The following CEP112 variants were observed in gnomAD, a reference collection of about 807,000 sequenced individuals.
CEP112 encodes centrosomal protein 112.
A neutral mutation model predicts 153.0 loss-of-function variants in CEP112; 127 were observed. The ratio of observed to expected loss-of-function variants is 0.83; its 90% CI spans 0.72 to 0.96. The LOEUF (loss-of-function observed/expected upper bound fraction) is 0.96. Ranked by LOEUF, CEP112 falls within the 40% of genes least tolerant of loss-of-function variation. The pLI is 0.00. For missense variants in CEP112, 1,089 were observed against 1,101.2 expected, an observed-to-expected ratio of 0.99 and a Z score of 0.16; for synonymous variants, 358 against 374.4, an observed-to-expected ratio of 0.96 and a Z score of 0.51.
chr17:66,106,012 T>C (rs1010909779), intron 6 of CEP112, among the ~76,000 whole-genome samples: 1 of 151,924 alleles, frequency 6.6e-6, no homozygotes, highest in Non-Finnish European at 1.5e-5. Flanking sequence ...TTGAAAACTA[T>C]ACAAACACAT....
chr17:66,164,066 A>G (rs2071827588), intron 4 of CEP112, among the ~76,000 whole-genome samples: 1 of 152,200 alleles, frequency 6.6e-6, no homozygotes, highest in African/African-American at 2.4e-5. Flanking sequence ...CTTAGTAAAT[A>G]CCTAAGAGTG....
At chr17:65,929,476 T>C in intron 18 of CEP112, among the ~76,000 whole-genome samples, 1 of 152,208 alleles carries the variant, frequency 6.6e-6, no homozygotes, top group Admixed American at 6.5e-5. Context: ...AGCATCACCT[T>C]TGTACTGAGA....
At chr17:65,791,006 C>T (rs2145725065) in intron 21 of CEP112, among the ~76,000 whole-genome samples, 1 of 151,962 alleles carries the variant, frequency 6.6e-6, no homozygotes, top group South Asian at 2.1e-4. Flanking sequence ...CTATCTATAT[C>T]CCAATTACAC....
chr17:65,835,823 T>C (rs1253735923), intron 21 of CEP112, among the ~76,000 whole-genome samples: 4 of 152,190 alleles, frequency 2.6e-5, no homozygotes. Context: ...ACATTCAGAA[T>C]AGTCTAATAC....
chr17:66,144,146 T>C (rs1249630034), intron 4 of CEP112, among the ~76,000 whole-genome samples: 2 of 152,170 alleles, frequency 1.3e-5, no homozygotes, highest in Non-Finnish European at 1.5e-5. Flanking sequence ...CCTTGTAAAA[T>C]GCAGAGTTTG....
At chr17:66,065,750 C>T (rs1488397623) in intron 10 of CEP112, among the ~76,000 whole-genome samples, 1 of 151,890 alleles carries the variant, frequency 6.6e-6, no homozygotes, top group Admixed American at 6.6e-5. Context: ...CCGCCTCAGC[C>T]TCCTGAGTAG....
At chr17:65,818,580 A>G (rs1230756480) in intron 21 of CEP112, among the ~76,000 whole-genome samples, 2 of 151,828 alleles carry the variant, frequency 1.3e-5, no homozygotes, top group Non-Finnish European at 3.0e-5. Context: ...CAATTTTGTG[A>G]TAACTTTCTC....
chr17:66,085,717 G>A (rs377411872), intron 8 of CEP112, among the ~76,000 whole-genome samples: 4 of 152,150 alleles, frequency 2.6e-5, no homozygotes, highest in Middle Eastern at 3.4e-3. Context: ...GGTGGCTCAC[G>A]CCTGTAATCC....
At chr17:65,872,884 C>T (rs1477188205) in intron 20 of CEP112, 1 of 152,188 alleles carries the variant, frequency 6.6e-6, no homozygotes, top group Non-Finnish European at 1.5e-5. Flanking sequence ...GTAACTTCTA[C>T]TAGTCCATAT....
chr17:66,119,503 C>T (rs2069469074), intron 6 of CEP112, among the ~76,000 whole-genome samples: 1 of 152,154 alleles, frequency 6.6e-6, no homozygotes, highest in Non-Finnish European at 1.5e-5. Flanking sequence ...CTGGCTTCTT[C>T]CATTCAATAT....
At chr17:65,992,226 A>C (rs1379301582) in intron 17 of CEP112, among the ~76,000 whole-genome samples, 3 of 152,148 alleles carry the variant, frequency 2.0e-5, no homozygotes, top group Non-Finnish European at 4.4e-5. Context: ...TAATATTATA[A>C]ATGTTGATTT....
chr17:65,954,253 A>G (rs1442948619), intron 18 of CEP112, among the ~76,000 whole-genome samples: 1 of 152,100 alleles, frequency 6.6e-6, no homozygotes, highest in Admixed American at 6.5e-5. Flanking sequence ...AAAAACAAGA[A>G]CAATCACTAT....
chr17:66,001,373 A>G (rs564683663), intron 17 of CEP112, among the ~76,000 whole-genome samples: 1 of 152,326 alleles, frequency 6.6e-6, no homozygotes, highest in South Asian at 2.1e-4. Context: ...TAGCTTGCAA[A>G]TATTTTCTCC....
intron 18 of CEP112, among the ~76,000 whole-genome samples, chr17:65,932,926 T>G (rs1031968760): frequency 6.6e-6 from 1 of 152,048 alleles, no homozygotes; most frequent in Non-Finnish European, 1.5e-5. Flanking sequence ...AAAATATGGA[T>G]AGAAAAGTAA....
At chr17:66,098,054 A>G (rs1238035287) in intron 6 of CEP112, among the ~76,000 whole-genome samples, 1 of 152,244 alleles carries the variant, frequency 6.6e-6, no homozygotes, top group East Asian at 1.9e-4. Flanking sequence ...AACAGACTAC[A>G]GCTTACTCTT....
At chr17:65,751,413 T>C (rs1271202675) in intron 21 of CEP112, among the ~76,000 whole-genome samples, 1 of 152,178 alleles carries the variant, frequency 6.6e-6, no homozygotes, top group African/African-American at 2.4e-5. Flanking sequence ...CTTTATTTCA[T>C]CGTCAAGGTT....
chr17:65,982,431 C>T (rs963875421), intron 17 of CEP112, among the ~76,000 whole-genome samples: 2 of 152,230 alleles, frequency 1.3e-5, no homozygotes, highest in African/African-American at 4.8e-5. Context: ...TAAGAACACA[C>T]AATTCTCTTA....
At chr17:66,161,073 T>TA (rs1281785172) in intron 4 of CEP112, among the ~76,000 whole-genome samples, 1 of 151,198 alleles carries the variant, frequency 6.6e-6, no homozygotes, top group African/African-American at 2.4e-5. Flanking sequence ...CCAACAAACA[T>TA]ACGAAAAAAA....
intron 17 of CEP112, among the ~76,000 whole-genome samples, chr17:65,965,759 C>T (rs1321449261): frequency 2.0e-5 from 3 of 151,954 alleles, no homozygotes; most frequent in East Asian, 3.9e-4. Flanking sequence ...TGGACTCAAG[C>T]GATCCACCCC....
Sources: allele counts gnomAD v4.1 joint callset (sites outside exome capture counted in the v4.1 genomes callset), GRCh38; gene constraint gnomAD v4.1.1; transcripts MANE v1.5; gene names NCBI Gene and HGNC (gene_info 2026-07-23, HGNC 2026-07-21).